Variants in MAPKAP1 observed in about 807,000 individuals in gnomAD.
The protein encoded by MAPKAP1 is MAPK associated protein 1.
A neutral mutation model predicts 65.7 loss-of-function variants in MAPKAP1; 20 were observed. The observed-to-expected ratio is 0.30, with a 90% CI of 0.21 to 0.44. The LOEUF (loss-of-function observed/expected upper bound fraction) is 0.44, where lower values mean the gene tolerates loss of function less well. MAPKAP1 is among the 20% of genes least tolerant of loss of function. The probability of loss-of-function intolerance (pLI) is 1.00; values close to 1 mark genes in which losing one functional copy is unlikely to be tolerated. For synonymous variants in MAPKAP1, 222 were observed against 244.3 expected (o/e 0.91, Z 0.85); for missense variants, 423 against 648.0 (o/e 0.65, Z 3.77).
intron 4 of MAPKAP1, among the ~76,000 whole-genome samples, chr9:125,589,106 T>C (rs1831875917): frequency 6.6e-6 from 1 of 152,190 alleles, no homozygotes; most frequent in Non-Finnish European, 1.5e-5. Context: ...TTCTGTTTCC[T>C]CATATGTAAA....
intron 8 of MAPKAP1, among the ~76,000 whole-genome samples, chr9:125,501,540 G>A (rs1008594769): frequency 5.3e-5 from 8 of 152,072 alleles, no homozygotes; most frequent in Non-Finnish European, 1.2e-4. Context: ...CAAATTGGAG[G>A]TTATAACCTT....
At chr9:125,488,484 G>T (rs1053905523) in intron 8 of MAPKAP1, among the ~76,000 whole-genome samples, 1 of 152,194 alleles carries the variant, frequency 6.6e-6, no homozygotes. Context: ...TCCTGCCTCA[G>T]CCTCCCAGGT....
Position 125,595,962 on chromosome 9 carries a change from G to A in MAPKAP1, c.499-10235C>T. 1 of 1,480,262 alleles carries A rather than the reference G, an allele frequency of 6.8e-7. No individual in the cohort carries two copies. The highest frequency in any genetic ancestry group is 1.7e-5 in the Admixed American group (1 of 59,874). The allele number at this position is 1,480,262 out of a possible 1,614,324, so 91.7% of individuals were successfully genotyped here. A position where few individuals can be genotyped will look rare whatever the true frequency, so the allele number is the denominator to read the frequency against. On this transcript the variant is annotated intron_variant, in intron 4 of 11. Transcript: ENST00000265960. This position sits in a 1 kb window ranked among gnomAD's most constrained non-coding sequence, Gnocchi z 4.0. ...AAGAGAAGATTCTCAAAGACCAGGT[G>A]CCCACTTAACTGTGAAAAAGATATT...
chr9:125,561,791 G>C (rs1378756578), intron 5 of MAPKAP1, among the ~76,000 whole-genome samples: 1 of 152,128 alleles, frequency 6.6e-6, no homozygotes, highest in Non-Finnish European at 1.5e-5. Context: ...GTAGTGTCTG[G>C]CATGTAACAG....
chr9:125,592,304 A>G (rs1298184542), intron 4 of MAPKAP1, among the ~76,000 whole-genome samples: 1 of 152,210 alleles, frequency 6.6e-6, no homozygotes, highest in Non-Finnish European at 1.5e-5. Flanking sequence ...ACAGAACCTT[A>G]ACCAAGAAAA....
intron 5 of MAPKAP1, among the ~76,000 whole-genome samples, chr9:125,576,292 TA>T (rs1831393784): frequency 6.6e-6 from 1 of 152,192 alleles, no homozygotes; most frequent in African/African-American, 2.4e-5. Flanking sequence ...TGGCTTTTGT[TA>T]ATAATATTGG....
chr9:125,639,908 T>A (rs946117052), intron 4 of MAPKAP1, among the ~76,000 whole-genome samples: 2 of 152,104 alleles, frequency 1.3e-5, no homozygotes, highest in Non-Finnish European at 2.9e-5. Flanking sequence ...TGGGGAGATA[T>A]ACTTGAACAC....
intron 3 of MAPKAP1, among the ~76,000 whole-genome samples, chr9:125,658,364 T>C (rs1169372497): frequency 6.6e-6 from 1 of 152,224 alleles, no homozygotes; most frequent in Non-Finnish European, 1.5e-5. Flanking sequence ...TTATTGCTGC[T>C]CGGCCTTTTG....
intron 1 of MAPKAP1, among the ~76,000 whole-genome samples, chr9:125,673,427 T>C (rs1244904432): frequency 1.3e-5 from 2 of 152,178 alleles, no homozygotes; most frequent in African/African-American, 2.4e-5. Flanking sequence ...GGTTTCTCCA[T>C]GTTGGTCAGG....
intron 1 of MAPKAP1, among the ~76,000 whole-genome samples, chr9:125,692,199 C>G (rs569965415): frequency 6.6e-6 from 1 of 152,136 alleles, no homozygotes; most frequent in Non-Finnish European, 1.5e-5. Context: ...TATGTTCACA[C>G]GAAAATTTGT....
At chr9:125,522,486 C>G (rs1829648347) in intron 7 of MAPKAP1, among the ~76,000 whole-genome samples, 1 of 152,178 alleles carries the variant, frequency 6.6e-6, no homozygotes, top group African/African-American at 2.4e-5. Context: ...GCATAGTGAA[C>G]ACGGCACTCT....
chr9:125,535,930 G>A (rs1251009625), intron 7 of MAPKAP1, among the ~76,000 whole-genome samples: 5 of 151,872 alleles, frequency 3.3e-5, no homozygotes, highest in East Asian at 3.9e-4. Flanking sequence ...TTCATTAATC[G>A]AATCCACACT....
At chr9:125,636,090 G>A (rs1833415985) in intron 4 of MAPKAP1, among the ~76,000 whole-genome samples, 1 of 152,180 alleles carries the variant, frequency 6.6e-6, no homozygotes, top group African/African-American at 2.4e-5. Context: ...CGGCTCCAGG[G>A]CAGAGACCAC....
Position 125,438,778 on chromosome 9 carries a change from AG to A in MAPKAP1, c.*108del, listed in dbSNP as rs1366133748. 6 of 1,467,186 alleles carry A rather than the reference AG, an allele frequency of 4.1e-6. No individual in the cohort carries two copies. In the East Asian group the frequency reaches 1.4e-4, roughly 33 times the overall value. The allele number at this position is 1,467,186 out of a possible 1,614,324, so 90.9% of individuals were successfully genotyped here. A position where few individuals can be genotyped will look rare whatever the true frequency, so the allele number is the denominator to read the frequency against. ...CCCACCTGCCCTGTGCCAGTGAGCC[AG>A]GGGCTGGCCTCCCCCCGAGGACTTC... On this transcript the variant is annotated 3_prime_UTR_variant, in exon 12 of 12. Coordinates refer to ENST00000265960, the MANE Select transcript of MAPKAP1 (RefSeq NM_001006617.3).
At chr9:125,501,221 A>G (rs1828971855) in intron 8 of MAPKAP1, among the ~76,000 whole-genome samples, 2 of 152,346 alleles carry the variant, frequency 1.3e-5, no homozygotes, top group South Asian at 4.1e-4. Context: ...AATCTTGTCA[A>G]CCAGAGACAA....
chr9:125,498,117 T>C (rs1828862114), intron 8 of MAPKAP1, among the ~76,000 whole-genome samples: 1 of 152,238 alleles, frequency 6.6e-6, no homozygotes, highest in Non-Finnish European at 1.5e-5. Context: ...TAGTAGATTA[T>C]CCGACAAGAA....
intron 9 of MAPKAP1, chr9:125,471,027 C>G (rs914584611): frequency 2.6e-5 from 4 of 152,166 alleles, no homozygotes; most frequent in Non-Finnish European, 2.9e-5. Flanking sequence ...TTAAAGAAAC[C>G]TGTAGGGGAA....
At chr9:125,627,268 C>T (rs1833143690) in intron 4 of MAPKAP1, among the ~76,000 whole-genome samples, 1 of 152,226 alleles carries the variant, frequency 6.6e-6, no homozygotes, top group South Asian at 2.1e-4. Context: ...AAAGATGATA[C>T]ACACCCTCCC....
rs527621669 is a variant in MAPKAP1, at chr9:125,564,131, C to T, written c.672-4322G>A. Among the ~76,000 whole-genome samples the T allele has an allele frequency of 7.2e-5, 11 of 152,302 alleles. 1 individual carries two copies. Among genetic ancestry groups the T allele is most frequent in the Admixed American group, 5.2e-4 (8 of 15,294 alleles). ...ACCAAATAGGGCTTTCTAGGCAATG[C>T]ACATGTGTCAAAGATTGTAATTCAA... On this transcript the variant is annotated intron_variant, in intron 5 of 11. Transcript: ENST00000265960.
Sources: allele counts gnomAD v4.1 joint callset (sites outside exome capture counted in the v4.1 genomes callset), GRCh38; gene constraint gnomAD v4.1.1; non-coding constraint Gnocchi (gnomAD v3.1); transcripts MANE v1.5; gene names NCBI Gene and HGNC (gene_info 2026-07-23, HGNC 2026-07-21).